The following MSRA variants were observed in gnomAD, a reference collection of about 807,000 sequenced individuals.
MSRA encodes the protein mitochondrial peptide methionine sulfoxide reductase.
MSRA carries 54 observed loss-of-function variants against 31.3 expected under a neutral mutation model. That is an observed-to-expected ratio of 1.73 (90% CI 1.39 to 2.17). MSRA has a LOEUF of 2.17. MSRA is among the 30% of genes most tolerant of loss of function. MSRA has a pLI of 0.00. For synonymous variants in MSRA, 169 were observed against 116.5 expected (o/e 1.45, Z -2.90); for missense variants, 507 against 300.9 (o/e 1.69, Z -5.07).
chr8:10,065,845 A>G (rs1206986218), intron 1 of MSRA, among the ~76,000 whole-genome samples: 1 of 152,100 alleles, frequency 6.6e-6, no homozygotes, highest in South Asian at 2.1e-4. Context: ...TCGCCCTGCT[A>G]TCAGCCTCTG....
intron 5 of MSRA, among the ~76,000 whole-genome samples, chr8:10,407,087 G>A (rs1293521420): frequency 2.0e-5 from 3 of 152,170 alleles, no homozygotes; most frequent in African/African-American, 4.8e-5. Flanking sequence ...GTGTTACCCA[G>A]GCTGATCTTG....
In MSRA at chr8:10,122,599, C is replaced by T. The variant is rs370866619; in HGVS notation, c.142+67941C>T. On this transcript the variant is annotated intron_variant, in intron 1 of 5. Coordinates refer to ENST00000317173, the MANE Select transcript of MSRA (RefSeq NM_012331.5). ...TTGTTTAATGGGTAAACTTGTGTCACGGGGGTTCGTTGTACAGATTATTTT... is the reference window on the plus strand; with the variant it reads ...TTGTTTAATGGGTAAACTTGTGTCATGGGGGTTCGTTGTACAGATTATTTT... Among the ~76,000 whole-genome samples the T allele has an allele frequency of 7.9e-5, 12 of 151,538 alleles. 1 individual carries two copies. Among genetic ancestry groups the T allele is most frequent in the Admixed American group, 3.3e-4 (5 of 15,186 alleles).
chr8:10,339,531 C>CTTTTTTTTTTTT lies in MSRA; in HGVS notation c.543+19557_543+19568dup, dbSNP rs774034241. Among the ~76,000 whole-genome samples, 29 of 72,830 alleles carry CTTTTTTTTTTTT rather than the reference C, an allele frequency of 4.0e-4. 1 individual carries two copies. The highest frequency in any genetic ancestry group is 1.7e-3 in the African/African-American group (27 of 15,858). The allele number at this position is 72,830 out of a possible 152,430, so 47.8% of individuals were successfully genotyped here. On this transcript the variant is annotated intron_variant, in intron 5 of 5. Coordinates refer to ENST00000317173, the MANE Select transcript of MSRA (RefSeq NM_012331.5). ...GTTAAGCAAGGGGTTTTCTTTCTTT[C>CTTTTTTTTTTTT]TTTTTTTTTTTTTTTTTTTTTTTTT...
At chr8:10,401,012 G>C (rs770673721) in intron 5 of MSRA, among the ~76,000 whole-genome samples, 2 of 151,876 alleles carry the variant, frequency 1.3e-5, no homozygotes, top group African/African-American at 2.4e-5. Context: ...TCTTGGATAT[G>C]ACACCAAAAG....
At chr8:10,124,383 T>C (rs1801343644) in intron 1 of MSRA, among the ~76,000 whole-genome samples, 1 of 152,210 alleles carries the variant, frequency 6.6e-6, no homozygotes, top group African/African-American at 2.4e-5. Flanking sequence ...CTGTATGATT[T>C]CTTTGGGGCA....
intron 1 of MSRA, 60 bp downstream of exon 1, chr8:10,054,718 G>T: frequency 1.4e-6 from 2 of 1,397,124 alleles, no homozygotes; most frequent in East Asian, 2.9e-5. Flanking sequence ...GCCTTTGCCC[G>T]GCGGCAGCGC....
intron 1 of MSRA, among the ~76,000 whole-genome samples, chr8:10,083,603 T>G (rs1448041570): frequency 6.6e-6 from 1 of 152,234 alleles, no homozygotes; most frequent in Non-Finnish European, 1.5e-5. Context: ...GAGTTAAGTA[T>G]CAAATTGGGC....
chr8:10,245,359 A>G, intron 3 of MSRA, 136 bp downstream of exon 3: 1 of 780,346 alleles, frequency 1.3e-6, no homozygotes, highest in Non-Finnish European at 2.0e-6. Flanking sequence ...TTGTATATAT[A>G]TACTTGTGAG....
At chr8:10,173,925 G>T (rs187427906) in intron 1 of MSRA, among the ~76,000 whole-genome samples, 2 of 152,296 alleles carry the variant, frequency 1.3e-5, no homozygotes, top group East Asian at 1.9e-4. Flanking sequence ...TGGTCCCAGC[G>T]TGCTGTGGGT....
At chr8:10,304,740 TGA>T (rs1801034308) in intron 4 of MSRA, among the ~76,000 whole-genome samples, 1 of 152,138 alleles carries the variant, frequency 6.6e-6, no homozygotes, top group Admixed American at 6.5e-5. Flanking sequence ...AAGTTGGTCT[TGA>T]AAAGAAAGCC....
chr8:10,113,289 C>CTTTGTTTTTTTTTTTTT (rs1467440154), intron 1 of MSRA, among the ~76,000 whole-genome samples: 1 of 50,898 alleles, frequency 2.0e-5, no homozygotes, highest in Non-Finnish European at 3.2e-5. Context: ...GAAGACAGGT[C>CTTTGTTTTTTTTTTTTT]TTCTTTTTTT....
At chr8:10,329,231 A>G (rs916982360) in intron 5 of MSRA, among the ~76,000 whole-genome samples, 1 of 152,216 alleles carries the variant, frequency 6.6e-6, no homozygotes, top group Non-Finnish European at 1.5e-5. Context: ...TCATGGTTCC[A>G]GAGGGCAGAA....
intron 1 of MSRA, among the ~76,000 whole-genome samples, chr8:10,068,034 C>T (rs1189524690): frequency 6.6e-6 from 1 of 151,936 alleles, no homozygotes; most frequent in Non-Finnish European, 1.5e-5. Context: ...CAGGCATGTG[C>T]CACCATGCCT....
At chr8:10,117,243 C>G (rs1175666737) in intron 1 of MSRA, among the ~76,000 whole-genome samples, 1 of 152,106 alleles carries the variant, frequency 6.6e-6, no homozygotes. Flanking sequence ...AGAGAAGTCA[C>G]AAAGGATGGA....
At chr8:10,368,474 C>T (rs772666355) in intron 5 of MSRA, among the ~76,000 whole-genome samples, 1 of 152,156 alleles carries the variant, frequency 6.6e-6, no homozygotes, top group Non-Finnish European at 1.5e-5. Flanking sequence ...TCTGCGGAAG[C>T]CCTGGGGCCG....
At chr8:10,067,824 G>C (rs56668047) in intron 1 of MSRA, among the ~76,000 whole-genome samples, 1 of 143,132 alleles carries the variant, frequency 7.0e-6, no homozygotes, top group Middle Eastern at 3.6e-3. Context: ...TTGGTGATGT[G>C]TCTGTTCAAA....
chr8:10,423,315 G>C (rs1277115532), intron 5 of MSRA, among the ~76,000 whole-genome samples: 1 of 152,218 alleles, frequency 6.6e-6, no homozygotes, highest in Non-Finnish European at 1.5e-5. Flanking sequence ...TTAAGGAAAA[G>C]TAGATGACCA....
At chr8:10,173,671 C>T (rs1251769372) in intron 1 of MSRA, among the ~76,000 whole-genome samples, 2 of 152,184 alleles carry the variant, frequency 1.3e-5, no homozygotes, top group Non-Finnish European at 2.9e-5. Context: ...CAGCCAGGCT[C>T]AACTTTTCAA....
chr8:10,349,902 C>G (rs557207158), intron 5 of MSRA, among the ~76,000 whole-genome samples: 1 of 152,238 alleles, frequency 6.6e-6, no homozygotes, highest in African/African-American at 2.4e-5. Context: ...GGGCCTTCCC[C>G]TGTCACCCCC....
Sources: allele counts gnomAD v4.1 joint callset (sites outside exome capture counted in the v4.1 genomes callset), GRCh38; gene constraint gnomAD v4.1.1; transcripts MANE v1.5; gene names NCBI Gene and HGNC (gene_info 2026-07-23, HGNC 2026-07-21).